Variants in PSMD12 observed in about 807,000 individuals in gnomAD.
PSMD12 encodes 26S proteasome non-ATPase regulatory subunit 12.
PSMD12 carries 8 observed loss-of-function variants against 62.9 expected under a neutral mutation model. That is an observed-to-expected ratio of 0.13 (90% CI 0.07 to 0.23). The LOEUF (loss-of-function observed/expected upper bound fraction) is 0.23, where lower values mean the gene tolerates loss of function less well. Ranked by LOEUF, PSMD12 falls within the 10% of genes least tolerant of loss-of-function variation. PSMD12 has a pLI of 1.00. For synonymous variants in PSMD12, 173 were observed against 187.4 expected (o/e 0.92, Z 0.63); for missense variants, 424 against 550.2 (o/e 0.77, Z 2.29).
chr17:67,356,817 C>A (rs958211339), intron 3 of PSMD12, among the ~76,000 whole-genome samples: 2 of 151,616 alleles, frequency 1.3e-5, no homozygotes, highest in African/African-American at 4.8e-5. Flanking sequence ...TTGAGACCAG[C>A]CTGGGTAATA....
At chr17:67,354,759 G>A (rs1350218913) in intron 3 of PSMD12, among the ~76,000 whole-genome samples, 1 of 152,160 alleles carries the variant, frequency 6.6e-6, no homozygotes, top group Non-Finnish European at 1.5e-5. Flanking sequence ...AGAAGCTGAG[G>A]TGGGTGGATC....
intron 1 of PSMD12, 60 bp from the exon 2 acceptor site, chr17:67,357,638 A>G: frequency 6.6e-7 from 1 of 1,517,644 alleles, no homozygotes; most frequent in South Asian, 1.1e-5. Context: ...TAACTAGTCT[A>G]AAATGAAATG....
At chr17:67,343,738 C>G (rs2041937444) in intron 9 of PSMD12, among the ~76,000 whole-genome samples, 1 of 152,282 alleles carries the variant, frequency 6.6e-6, no homozygotes, top group Non-Finnish European at 1.5e-5. Context: ...GCGTCTTGCT[C>G]TGTCACCCAG....
At chr17:67,354,635 C>T (rs867065391) in intron 3 of PSMD12, among the ~76,000 whole-genome samples, 7 of 152,086 alleles carry the variant, frequency 4.6e-5, no homozygotes, top group East Asian at 1.9e-4. Context: ...TAGAGTAAGA[C>T]GATGGTTTGT....
At chr17:67,345,039 C>T (rs2041951470) in intron 8 of PSMD12, among the ~76,000 whole-genome samples, 3 of 152,264 alleles carry the variant, frequency 2.0e-5, no homozygotes, top group African/African-American at 7.2e-5. Context: ...TGTAAATGTA[C>T]TCATGAAACA....
rs759633991 is a variant in PSMD12 at position 67,344,736 on chromosome 17, G to A, written c.953C>T (p.Ser318Phe). The A allele has an allele frequency of 6.2e-7, 1 of 1,610,286 alleles. No homozygotes were observed. Reference protein sequence around the residue: ...LFTTMELMRWSTLVEDYGMEL... With the variant: ...LFTTMELMRWFTLVEDYGMEL... ...CATTCCATAGTCCTCAACAAGTGTG[G>A]ACCAACGCATCAACTCCATTGTGGT... The change falls in exon 9 of 11, where the codon TCC becomes TTC. Residue 318 changes from serine (S) to phenylalanine (F), a missense_variant. Coordinates refer to ENST00000356126, the MANE Select transcript of PSMD12 (RefSeq NM_002816.5).
At chr17:67,352,738 GT>G (rs2042029748) in intron 3 of PSMD12, among the ~76,000 whole-genome samples, 1 of 152,188 alleles carries the variant, frequency 6.6e-6, no homozygotes, top group Admixed American at 6.6e-5. Flanking sequence ...ACCATTCTGA[GT>G]AGTGATGAAA....
In PSMD12 at chr17:67,356,578, A is replaced by G. The variant is rs1213511948; in HGVS notation, c.297+725T>C. On this transcript the variant is annotated intron_variant, in intron 3 of 10. Transcript: ENST00000356126. ...GTCTCAAAAAAAAAAAAAAAAAAAA[A>G]AAAAAAAAGAAAATGAAATATTTAG... 7.4e-4 allele frequency among the ~76,000 whole-genome samples: 109 copies of G among 147,460 alleles called. 1 individual carries two copies. Among genetic ancestry groups the G allele is most frequent in the Admixed American group, 2.0e-3 (29 of 14,726 alleles).
Position 67,339,726 on chromosome 17 carries a change from C to T in PSMD12, c.*1117G>A, listed in dbSNP as rs1052529581. On this transcript the variant is annotated 3_prime_UTR_variant, in exon 11 of 11. Transcript: ENST00000356126. Reference sequence around the variant, plus strand: ...TTATTTAAGTATCATTTTAAATAACCTTCTAACATTGTTTTTTCTATTTTC... The same window carrying T: ...TTATTTAAGTATCATTTTAAATAACTTTCTAACATTGTTTTTTCTATTTTC... The T allele has an allele frequency of 6.6e-6, 1 of 151,694 alleles. No individual in the cohort carries two copies. Among genetic ancestry groups the T allele is most frequent in the South Asian group, 2.1e-4 (1 of 4,818 alleles). 9.4% of individuals were successfully genotyped at this position (151,694 alleles called of 1,614,324 possible).
Position 67,345,836 on chromosome 17 carries a change from A to T in PSMD12, c.817T>A (p.Tyr273Asn), listed in dbSNP as rs1567953358. The stretch of plus-strand genomic sequence containing the variant: ...TTGTCAAAAGGAGCCAGGATAACAT[A>T]GAGTACAACACTCTTCAGAGCCTAA... ...WQQALKSVVLYVILAPFDNEQ... is the reference protein window; with the variant it reads ...WQQALKSVVLNVILAPFDNEQ... The change falls in exon 8 of 11, where the codon TAT becomes AAT. Residue 273 changes from tyrosine (Y) to asparagine (N), a missense_variant. Coordinates refer to ENST00000356126, the MANE Select transcript of PSMD12 (RefSeq NM_002816.5). 1.9e-6 allele frequency: 3 copies of T among 1,613,152 alleles called. No homozygotes were observed. The highest frequency in any genetic ancestry group is 1.3e-5 in the African/African-American group (1 of 74,920).
Position 67,357,592 on chromosome 17 carries a change from T to G in PSMD12, c.109-14A>C, listed in dbSNP as rs775503043. 1.2e-6 allele frequency: 2 copies of G among 1,608,140 alleles called. No homozygotes were observed. The highest frequency in any genetic ancestry group is 1.7e-6 in the Non-Finnish European group (2 of 1,175,208). On this transcript the variant is annotated splice_polypyrimidine_tract_variant and intron_variant, in intron 1 of 10. Coordinates refer to ENST00000356126, the MANE Select transcript of PSMD12 (RefSeq NM_002816.5). Reference sequence around the variant, plus strand: ...AAGTCTTCCTTCCTAAAACAAAAGATGAAAATGAACAATAAAAAAACACAC... The same window carrying G: ...AAGTCTTCCTTCCTAAAACAAAAGAGGAAAATGAACAATAAAAAAACACAC...
intron 9 of PSMD12, among the ~76,000 whole-genome samples, chr17:67,342,675 ACCTGTAATC>A (rs1450612269): frequency 1.3e-5 from 2 of 152,100 alleles, no homozygotes; most frequent in Non-Finnish European, 2.9e-5. Context: ...AGGGACTCAC[ACCTGTAATC>A]CCAGCACTTT....
chr17:67,343,016 C>T (rs550231661), intron 9 of PSMD12, among the ~76,000 whole-genome samples: 1 of 151,664 alleles, frequency 6.6e-6, no homozygotes, highest in East Asian at 1.9e-4. Flanking sequence ...TTAAAGATAG[C>T]TTCAAATTAA....
chr17:67,366,284 G>A (rs2042178199), intron 1 of PSMD12, 128 bp downstream of exon 1: 2 of 894,144 alleles, frequency 2.2e-6, no homozygotes, highest in Non-Finnish European at 1.7e-6. Context: ...ACTCGTGCAG[G>A]CCCAACTAGG....
intron 1 of PSMD12, among the ~76,000 whole-genome samples, chr17:67,357,848 G>C (rs1233524250): frequency 1.3e-5 from 2 of 151,888 alleles, no homozygotes; most frequent in African/African-American, 4.8e-5. Flanking sequence ...TAACAATCAT[G>C]TAACACCTAA....
chr17:67,365,992 C>T (rs990121259), intron 1 of PSMD12, among the ~76,000 whole-genome samples: 1 of 152,178 alleles, frequency 6.6e-6, no homozygotes, highest in Non-Finnish European at 1.5e-5. Context: ...TGGCCAAAGA[C>T]CAGGCACATA....
intron 1 of PSMD12, 81 bp downstream of exon 1, chr17:67,366,331 C>G (rs1250226722): frequency 7.5e-7 from 1 of 1,339,516 alleles, no homozygotes; most frequent in East Asian, 2.5e-5. Flanking sequence ...CTCCAGCCCG[C>G]AGGCCCCCTG....
intron 3 of PSMD12, 65 bp from the exon 4 acceptor site, chr17:67,350,401 T>C (rs2042006523): frequency 8.2e-7 from 1 of 1,215,292 alleles, no homozygotes; most frequent in Admixed American, 2.5e-5. Context: ...ATGTATTTTA[T>C]TGATCAAAGA....
At chr17:67,361,492 G>C (rs751657829) in intron 1 of PSMD12, among the ~76,000 whole-genome samples, 1 of 152,084 alleles carries the variant, frequency 6.6e-6, no homozygotes, top group Non-Finnish European at 1.5e-5. Context: ...TGAGGCACAA[G>C]AATCACTTGA....
Sources: gnomAD v4.1 joint callset for allele counts (sites outside exome capture counted in the v4.1 genomes callset) on GRCh38, gnomAD v4.1.1 for gene constraint, MANE v1.5 for transcripts, NCBI Gene and HGNC (gene_info 2026-07-23, HGNC 2026-07-21) for gene names.